The following VANGL1 variants were observed in gnomAD, a reference collection of about 807,000 sequenced individuals.
The protein encoded by VANGL1 is VANGL planar cell polarity protein 1.
VANGL1 carries 18 observed loss-of-function variants against 48.4 expected under a neutral mutation model. The ratio of observed to expected loss-of-function variants is 0.37; its 90% CI spans 0.26 to 0.55. The LOEUF (loss-of-function observed/expected upper bound fraction) is 0.55, where lower values mean the gene tolerates loss of function less well. Among genes scored for constraint, VANGL1 ranks in the 20% least tolerant of loss-of-function variants. VANGL1 has a pLI of 0.81. For synonymous variants in VANGL1, 257 were observed against 261.8 expected (o/e 0.98, Z 0.18); for missense variants, 667 against 675.8 (o/e 0.99, Z 0.14).
intron 4 of VANGL1, among the ~76,000 whole-genome samples, chr1:115,672,074 C>T (rs748469479): frequency 6.6e-6 from 1 of 152,152 alleles, no homozygotes; most frequent in Non-Finnish European, 1.5e-5. Context: ...CAAACTCCTC[C>T]CAGTGTTGAT....
rs61734296 is a variant in VANGL1 at position 115,659,642 on chromosome 1, G to A, written c.73G>A (p.Glu25Lys). The A allele has an allele frequency of 5.0e-4, 815 of 1,614,004 alleles. 5 individuals carry two copies. The highest frequency in any genetic ancestry group is 2.9e-4 in the Non-Finnish European group (347 of 1,180,004). Reference sequence around the variant, plus strand: ...TGCTAGCTCATTGTTGTTTTTCAGGGAAAGAACTAGAGAGAGACACAAGTC... The same window carrying A: ...TGCTAGCTCATTGTTGTTTTTCAGGAAAAGAACTAGAGAGAGACACAAGTC... ...SHSKKSHRQG[E>K]RTRERHKSPR... The change falls in exon 3 of 8, where the codon GAA becomes AAA. Residue 25 changes from glutamate to lysine, a missense_variant and splice_region_variant. Transcript: ENST00000355485.
rs2101045308 is a variant in VANGL1, at chr1:115,694,775, T to A, written c.*3396T>A. 1 of 152,342 alleles carries A rather than the reference T, an allele frequency of 6.6e-6. No homozygotes were observed. Among genetic ancestry groups the A allele is most frequent in the South Asian group, 2.1e-4 (1 of 4,822 alleles). The allele number at this position is 152,342 out of a possible 1,614,324, so 9.4% of individuals were successfully genotyped here. On this transcript the variant is annotated 3_prime_UTR_variant, in exon 8 of 8. Transcript: ENST00000355485. ...TTTTTATTTCCATATATGTGAGCAT[T>A]TCTCTGAGTGTATTACCAGACGGAT...
rs1652692432 is a variant in VANGL1, at chr1:115,664,269, G to A, written c.812+1G>A. The A allele has an allele frequency of 1.2e-6, 2 of 1,613,586 alleles. No homozygotes were observed. The highest frequency in any genetic ancestry group is 1.7e-6 in the Non-Finnish European group (2 of 1,179,928). On this transcript the variant is annotated splice_donor_variant, in intron 4 of 7. Transcript: ENST00000355485. LOFTEE classifies it high-confidence loss of function. ...GCTTCTACAGCCTGGGACACCTGAG[G>A]TAAGAGGCAACATCCAGGAGGCAGA...
rs546348482 is a variant in VANGL1, at chr1:115,658,975, C to A, written c.72-666C>A. On this transcript the variant is annotated intron_variant, in intron 2 of 7. Coordinates refer to ENST00000355485, the MANE Select transcript of VANGL1 (RefSeq NM_138959.3). ...CACACACACACAAACACACACACAT[C>A]CACCCACACACCCTCCACCCCTCTT... Among the ~76,000 whole-genome samples, 103 of 151,574 alleles carry A rather than the reference C, an allele frequency of 6.8e-4. No individual in the cohort carries two copies. In the East Asian group the frequency reaches 9.1e-3, roughly 13 times the overall value.
chr1:115,679,840 A>AG (rs564666991), intron 4 of VANGL1, among the ~76,000 whole-genome samples: 1 of 151,838 alleles, frequency 6.6e-6, no homozygotes, highest in South Asian at 2.1e-4. Flanking sequence ...TCAGTGGAGG[A>AG]GGGGGGATGA....
intron 4 of VANGL1, among the ~76,000 whole-genome samples, chr1:115,681,572 T>A (rs1290389370): frequency 6.8e-6 from 1 of 147,122 alleles, no homozygotes; most frequent in East Asian, 2.1e-4. Context: ...AGTGGTGCAG[T>A]CTCGGCTCAC....
rs1286240607 is a variant in VANGL1, at chr1:115,687,703, C to CTGTG, written c.1314+2177_1314+2178insGTGT. Among the ~76,000 whole-genome samples the CTGTG allele has an allele frequency of 5.6e-4, 39 of 69,714 alleles. 3 individuals are homozygous for CTGTG. The highest frequency in any genetic ancestry group is 2.7e-3 in the South Asian group (4 of 1,504). 45.7% of individuals were successfully genotyped at this position (69,714 alleles called of 152,430 possible). A position where few individuals can be genotyped will look rare whatever the true frequency, so the allele number is the denominator to read the frequency against. On this transcript the variant is annotated intron_variant, in intron 7 of 7. Transcript: ENST00000355485. Reference sequence around the variant, plus strand: ...GAAATTGGGTCATTGCTCTCTCTTTCTCTGTGTGTGTGTGTGTGTGTGTGT... The same window carrying CTGTG: ...GAAATTGGGTCATTGCTCTCTCTTTCTGTGTCTGTGTGTGTGTGTGTGTGTGTGT...
chr1:115,684,017 C>T lies in VANGL1; in HGVS notation c.1020C>T (p.His340=). The change falls in exon 6 of 8, where the codon CAC becomes CAT. Residue 340 remains histidine, a synonymous_variant. Transcript: ENST00000355485. The part of the protein sequence containing the change: ...AAAARRRDSS[H]NELYYEEAEH... The stretch of plus-strand genomic sequence containing the variant: ...CTGCTCGGCGCAGGGACTCAAGCCA[C>T]AACGAGTTGTATTATGAAGAGGCCG... 6.2e-7 allele frequency: 1 copy of T among 1,614,116 alleles called. No individual in the cohort carries two copies. The highest frequency in any genetic ancestry group is 8.5e-7 in the Non-Finnish European group (1 of 1,179,974).
Position 115,687,705 on chromosome 1 carries a change from C to CTCTG in VANGL1, c.1314+2179_1314+2180insCTGT, listed in dbSNP as rs1204376342. Among the ~76,000 whole-genome samples, 13 of 112,868 alleles carry CTCTG rather than the reference C, an allele frequency of 1.2e-4. 1 individual carries two copies. Among genetic ancestry groups the CTCTG allele is most frequent in the East Asian group, 2.4e-4 (1 of 4,218 alleles). The allele number at this position is 112,868 out of a possible 152,430, so 74.0% of individuals were successfully genotyped here. A position where few individuals can be genotyped will look rare whatever the true frequency, so the allele number is the denominator to read the frequency against. ...AATTGGGTCATTGCTCTCTCTTTCT[C>CTCTG]TGTGTGTGTGTGTGTGTGTGTGTGT... is the stretch of plus-strand genomic sequence containing the variant. On this transcript the variant is annotated intron_variant, in intron 7 of 7. Coordinates refer to ENST00000355485, the MANE Select transcript of VANGL1 (RefSeq NM_138959.3).
chr1:115,641,997 T>TGCCTCTCCAGGAGCCCA lies in VANGL1; in HGVS notation c.-224_-208dup, dbSNP rs1553185511. ...TGCAGCGGCGGCGGCGGCGGGGCTCTGCCTCTCCAGGAGCCCAGCGCAGGC... is the reference window on the plus strand; with the variant it reads ...TGCAGCGGCGGCGGCGGCGGGGCTCTGCCTCTCCAGGAGCCCAGCCTCTCCAGGAGCCCAGCGCAGGC... On this transcript the variant is annotated 5_prime_UTR_variant, in exon 1 of 8. Transcript: ENST00000355485. 6.6e-6 allele frequency: 1 copy of TGCCTCTCCAGGAGCCCA among 150,990 alleles called. No individual in the cohort carries two copies. Among genetic ancestry groups the TGCCTCTCCAGGAGCCCA allele is most frequent in the African/African-American group, 2.4e-5 (1 of 40,976 alleles). The allele number at this position is 150,990 out of a possible 1,614,324, so 9.4% of individuals were successfully genotyped here.
chr1:115,666,957 G>A (rs558506151), intron 4 of VANGL1, among the ~76,000 whole-genome samples: 69 of 152,364 alleles, frequency 4.5e-4, no homozygotes, highest in South Asian at 1.4e-3. Flanking sequence ...GAACCCAGCA[G>A]TGGCTGGAAG....
At chr1:115,683,794 T>A in intron 5 of VANGL1, 150 bp from the exon 6 acceptor site, 4 of 1,028,070 alleles carry the variant, frequency 3.9e-6, no homozygotes, top group Non-Finnish European at 5.9e-6. Context: ...GGGGCACAGT[T>A]CACCCTCCTG....
intron 4 of VANGL1, among the ~76,000 whole-genome samples, chr1:115,680,954 A>G (rs930036812): frequency 1.3e-5 from 2 of 152,208 alleles, no homozygotes; most frequent in South Asian, 2.1e-4. Context: ...AGATAAAAAT[A>G]TATCTGTGGT....
In VANGL1 at chr1:115,651,381, T is replaced by C; in HGVS notation, c.-33T>C. On this transcript the variant is annotated 5_prime_UTR_variant, in exon 2 of 8. Coordinates refer to ENST00000355485, the MANE Select transcript of VANGL1 (RefSeq NM_138959.3). ...TCTACCTCTAAGGAGAAACAGTACC[T>C]GCTCCTTCCTCAAGCGCAAGCCCTC... is the stretch of plus-strand genomic sequence containing the variant. 6.2e-7 allele frequency: 1 copy of C among 1,604,442 alleles called. No individual in the cohort carries two copies. Among genetic ancestry groups the C allele is most frequent in the Non-Finnish European group, 8.5e-7 (1 of 1,171,946 alleles).
chr1:115,691,387 A>G lies in VANGL1; in HGVS notation c.*8A>G, dbSNP rs377233845. ...TCTGAGACATCCGTTTAAAAGTTCTATATTTGTGGCTTTATTAAAAAAAAA... is the reference window on the plus strand; with the variant it reads ...TCTGAGACATCCGTTTAAAAGTTCTGTATTTGTGGCTTTATTAAAAAAAAA... On this transcript the variant is annotated 3_prime_UTR_variant, in exon 8 of 8. Coordinates refer to ENST00000355485, the MANE Select transcript of VANGL1 (RefSeq NM_138959.3). 1.1e-5 allele frequency: 17 copies of G among 1,610,442 alleles called. No homozygotes were observed. In the African/African-American group the frequency reaches 1.3e-4, roughly 13 times the overall value.
At chr1:115,659,991 C>T (rs757810235) in intron 3 of VANGL1, among the ~76,000 whole-genome samples, 6 of 152,112 alleles carry the variant, frequency 3.9e-5, no homozygotes, top group Non-Finnish European at 7.3e-5. Context: ...GCCTGCTTTA[C>T]ATGGTGTGGA....
At chr1:115,675,409 C>A (rs963841167) in intron 4 of VANGL1, among the ~76,000 whole-genome samples, 2 of 151,720 alleles carry the variant, frequency 1.3e-5, no homozygotes, top group African/African-American at 2.4e-5. Context: ...GGCCGAGGCA[C>A]GAGAATTGCT....
chr1:115,669,212 C>T (rs1385792429), intron 4 of VANGL1, among the ~76,000 whole-genome samples: 1 of 152,014 alleles, frequency 6.6e-6, no homozygotes. Context: ...ACAGAGAAAC[C>T]ACAAAAGCAG....
chr1:115,665,444 G>T (rs896069540), intron 4 of VANGL1, among the ~76,000 whole-genome samples: 3 of 152,232 alleles, frequency 2.0e-5, no homozygotes, highest in Non-Finnish European at 4.4e-5. Flanking sequence ...GCCAGAATCA[G>T]CAAGGGCACA....
Sources: gnomAD v4.1 joint callset for allele counts (sites outside exome capture counted in the v4.1 genomes callset) on GRCh38, gnomAD v4.1.1 for gene constraint, MANE v1.5 for transcripts, NCBI Gene and HGNC (gene_info 2026-07-23, HGNC 2026-07-21) for gene names.